Variants in CCDC63 observed in about 807,000 individuals in gnomAD.
CCDC63 encodes the protein coiled-coil domain-containing protein 63.
Under a neutral mutation model 63.6 loss-of-function variants are expected in CCDC63, and 54 were observed. That is an observed-to-expected ratio of 0.85 (90% CI 0.68 to 1.07). CCDC63 has a LOEUF of 1.07. Ranked by LOEUF, CCDC63 falls within the 50% of genes least tolerant of loss-of-function variation. CCDC63 has a pLI of 0.00. For missense variants in CCDC63, 637 were observed against 689.6 expected, an observed-to-expected ratio of 0.92 and a Z score of 0.86; for synonymous variants, 253 against 266.1, an observed-to-expected ratio of 0.95 and a Z score of 0.48.
chr12:110,874,681 G>A (rs74813506), intron 5 of CCDC63, among the ~76,000 whole-genome samples: 2,644 of 152,268 alleles, frequency 0.017, 82 homozygotes, highest in African/African-American at 0.059. Flanking sequence ...GTTTAATGAC[G>A]TATTCTGGGG....
At chr12:110,875,179 A>T (rs2136686555) in intron 5 of CCDC63, among the ~76,000 whole-genome samples, 1 of 152,298 alleles carries the variant, frequency 6.6e-6, no homozygotes, top group East Asian at 1.9e-4. Flanking sequence ...ATGCCCAGTG[A>T]TTTGCAACTG....
chr12:110,873,899 G>A lies in CCDC63; in HGVS notation c.427G>A (p.Glu143Lys), dbSNP rs1477874660. 1.9e-6 allele frequency: 3 copies of A among 1,612,398 alleles called. No individual in the cohort carries two copies. The highest frequency in any genetic ancestry group is 4.5e-5 in the East Asian group (2 of 44,864). Residue 143 changes from glutamate to lysine, a missense_variant, in exon 5 of 12, where the codon GAG becomes AAG. Physicochemically the swap from Glu to Lys is moderately conservative, Grantham distance 56. Coordinates refer to ENST00000308208, the MANE Select transcript of CCDC63 (RefSeq NM_152591.3). ...NQKQIFAKMQEANNPRKLQKQ... is the reference protein window; with the variant it reads ...NQKQIFAKMQKANNPRKLQKQ... ...AAAACAGATTTTCGCAAAAATGCAG[G>A]AGGCCAATAACCCCCGGAAACTGCA...
rs766896380 is a variant in CCDC63, at chr12:110,880,012, T to A, written c.596T>A (p.Leu199His). The change falls in exon 6 of 12, where the codon CTC becomes CAC. Residue 199 changes from leucine to histidine, a missense_variant. Coordinates refer to ENST00000308208, the MANE Select transcript of CCDC63 (RefSeq NM_152591.3). ...GCTTATGACAATGTCTACCAGCAGC[T>A]CCAGCACTGCCTGTTGATGGAGAAG... Reference protein sequence around the residue: ...KAAYDNVYQQLQHCLLMEKKT... With the variant: ...KAAYDNVYQQHQHCLLMEKKT... 1 of 1,614,184 alleles carries A rather than the reference T, an allele frequency of 6.2e-7. No homozygotes were observed. The highest frequency in any genetic ancestry group is 2.2e-5 in the East Asian group (1 of 44,888).
intron 4 of CCDC63, among the ~76,000 whole-genome samples, chr12:110,871,216 A>G (rs888580132): frequency 3.3e-5 from 5 of 152,012 alleles, no homozygotes; most frequent in African/African-American, 9.7e-5. Context: ...ATCTTGGCTC[A>G]CTGCAAGCTC....
upstream of CCDC63, among the ~76,000 whole-genome samples, chr12:110,846,521 C>T (rs1593626545): frequency 6.6e-6 from 1 of 152,008 alleles, no homozygotes; most frequent in African/African-American, 2.4e-5. Context: ...TCTCTTTCCC[C>T]CCCCGCCCCA....
rs1301508263 is a variant in CCDC63, at chr12:110,888,830, CTT to C, written c.1075-4245_1075-4244del. ...CCTTCCTTCCTTCCTTCCTTCCTTC[CTT>C]CCTTCCTTCCTTCCTTCCTTCCTTC... On this transcript the variant is annotated intron_variant, in intron 8 of 11. Coordinates refer to ENST00000308208, the MANE Select transcript of CCDC63 (RefSeq NM_152591.3). Among the ~76,000 whole-genome samples, 331 of 135,062 alleles carry C rather than the reference CTT, an allele frequency of 2.5e-3. 2 individuals are homozygous for C. Among genetic ancestry groups the C allele is most frequent in the African/African-American group, 6.4e-3 (194 of 30,142 alleles). The allele number at this position is 135,062 out of a possible 152,430, so 88.6% of individuals were successfully genotyped here.
At chr12:110,898,548 G>A (rs1477826521) in intron 9 of CCDC63, among the ~76,000 whole-genome samples, 1 of 150,948 alleles carries the variant, frequency 6.6e-6, no homozygotes, top group Non-Finnish European at 1.5e-5. Context: ...AACCTGGGAG[G>A]CAGAGGTTGC....
intron 4 of CCDC63, among the ~76,000 whole-genome samples, chr12:110,863,636 G>A (rs1490694069): frequency 1.3e-5 from 2 of 151,460 alleles, no homozygotes; most frequent in Non-Finnish European, 2.9e-5. Context: ...TGCCTCTCGG[G>A]TTCAAGCAGT....
chr12:110,890,497 G>A (rs1018019509), intron 8 of CCDC63, among the ~76,000 whole-genome samples: 1 of 152,038 alleles, frequency 6.6e-6, no homozygotes, highest in African/African-American at 2.4e-5. Context: ...ACACCTGTGG[G>A]AAAGTGTAGG....
At chr12:110,881,959 T>C (rs552374830) in intron 7 of CCDC63, among the ~76,000 whole-genome samples, 9 of 152,302 alleles carry the variant, frequency 5.9e-5, no homozygotes, top group African/African-American at 1.7e-4. Flanking sequence ...TCTCTTTCTA[T>C]TATTTAGAAG....
chr12:110,892,782 G>A (rs533934827), intron 8 of CCDC63, among the ~76,000 whole-genome samples: 5 of 151,606 alleles, frequency 3.3e-5, no homozygotes, highest in African/African-American at 9.7e-5. Flanking sequence ...TTGTGCCATT[G>A]CACTCCAGCC....
intron 4 of CCDC63, among the ~76,000 whole-genome samples, chr12:110,862,274 A>T (rs149323599): frequency 2.8e-4 from 43 of 152,280 alleles, no homozygotes; most frequent in African/African-American, 9.9e-4. Context: ...ATCTTTGCCC[A>T]ATTTCATTCC....
intron 4 of CCDC63, among the ~76,000 whole-genome samples, chr12:110,867,579 A>AC (rs2070983898): frequency 1.8e-5 from 2 of 109,818 alleles, no homozygotes; most frequent in South Asian, 3.3e-4. Context: ...CGGGGGGCTG[A>AC]CCCCCCCACC....
intron 3 of CCDC63, among the ~76,000 whole-genome samples, chr12:110,858,382 G>C (rs1189875960): frequency 1.3e-5 from 2 of 152,030 alleles, no homozygotes; most frequent in Admixed American, 1.3e-4. Flanking sequence ...GAGAAGGCAG[G>C]GCAGCAGGAA....
intron 3 of CCDC63, 27 bp from the exon 4 acceptor site, chr12:110,858,559 G>T: frequency 1.3e-6 from 2 of 1,592,406 alleles, no homozygotes; most frequent in Non-Finnish European, 1.7e-6. Flanking sequence ...GGGGTTTGGG[G>T]TTAATCATGG....
intron 8 of CCDC63, among the ~76,000 whole-genome samples, chr12:110,888,318 G>A (rs1014894930): frequency 2.6e-5 from 4 of 152,198 alleles, no homozygotes; most frequent in African/African-American, 7.2e-5. Context: ...AGGGGTATGA[G>A]GACCCCAGCT....
rs980177263 is a variant in CCDC63 at position 110,907,356 on chromosome 12, C to T, written c.1572C>T (p.Ser524=). The change falls in exon 12 of 12, where the codon AGC becomes AGT. Residue 524 remains serine, a synonymous_variant. Transcript: ENST00000308208. This position sits in a 1 kb window ranked among gnomAD's most constrained non-coding sequence, Gnocchi z 4.4. ...TGGAACAGCCCCTGGACCACAGCAG[C>T]CTTCGGCAGCTGGTTCTCGACAATT... is the stretch of plus-strand genomic sequence containing the variant. ...DDVEQPLDHS[S]LRQLVLDNYI... is the part of the protein sequence containing the mutation. The T allele has an allele frequency of 6.2e-7, 1 of 1,613,848 alleles. No individual in the cohort carries two copies. Among genetic ancestry groups the T allele is most frequent in the African/African-American group, 1.3e-5 (1 of 74,900 alleles).
At chr12:110,856,666 C>CAGAT (rs10649493) in intron 3 of CCDC63, among the ~76,000 whole-genome samples, 112,436 of 151,698 alleles carry the variant, frequency 0.74, 41,937 homozygotes, top group African/African-American at 0.81. Flanking sequence ...ATGGGCCCCT[C>CAGAT]AGAGAACATT....
intron 10 of CCDC63, among the ~76,000 whole-genome samples, chr12:110,903,594 C>T (rs1000396978): frequency 8.5e-5 from 13 of 152,144 alleles, no homozygotes; most frequent in Non-Finnish European, 2.9e-5. Flanking sequence ...CGGTGCATGG[C>T]GTGGTAGACA....
Sources: gnomAD v4.1 joint callset for allele counts (sites outside exome capture counted in the v4.1 genomes callset) on GRCh38, gnomAD v4.1.1 for gene constraint, Gnocchi (gnomAD v3.1) non-coding constraint, MANE v1.5 for transcripts, NCBI Gene and HGNC (gene_info 2026-07-23, HGNC 2026-07-21) for gene names.